RHOT1: variants seen among roughly 807,000 people sequenced by gnomAD.
The protein encoded by RHOT1 is mitochondrial Rho GTPase 1.
Under a neutral mutation model 95.3 loss-of-function variants are expected in RHOT1, and 27 were observed. That is an observed-to-expected ratio of 0.28 (90% CI 0.21 to 0.39). RHOT1 has a LOEUF of 0.39. Ranked by LOEUF, RHOT1 falls within the 10% of genes least tolerant of loss-of-function variation. The pLI is 1.00. For missense variants in RHOT1, 578 were observed against 786.7 expected, an observed-to-expected ratio of 0.73 and a Z score of 3.17; for synonymous variants, 227 against 263.5, an observed-to-expected ratio of 0.86 and a Z score of 1.34.
At chr17:32,153,047 C>T (rs937277031) in intron 1 of RHOT1, among the ~76,000 whole-genome samples, 9 of 152,208 alleles carry the variant, frequency 5.9e-5, no homozygotes, top group Non-Finnish European at 1.5e-5. Context: ...AGTGATGTGC[C>T]TGCCTCAGCC....
At chr17:32,145,846 C>G (rs548067513) in intron 1 of RHOT1, among the ~76,000 whole-genome samples, 83 of 152,146 alleles carry the variant, frequency 5.5e-4, no homozygotes, top group African/African-American at 1.6e-3. Context: ...GAACCCTCAT[C>G]TCTACAAAAA....
Position 32,170,013 on chromosome 17 carries a change from C to CA in RHOT1, c.38-1019dup, listed in dbSNP as rs796665468. On this transcript the variant is annotated intron_variant, in intron 1 of 19. Transcript: ENST00000545287. ...GGGCAATCAGAGTGGGACCCTGAAT[C>CA]AAAAAAAAAAAGTTAAAACTTGGAA... Among the ~76,000 whole-genome samples the CA allele has an allele frequency of 6.5e-3, 930 of 142,110 alleles. 3 individuals are homozygous for CA. Among genetic ancestry groups the CA allele is most frequent in the African/African-American group, 0.017 (667 of 38,858 alleles). 93.2% of individuals were successfully genotyped at this position (142,110 alleles called of 152,430 possible).
chr17:32,173,237 C>T (rs2142538313), intron 2 of RHOT1, among the ~76,000 whole-genome samples: 1 of 152,290 alleles, frequency 6.6e-6, no homozygotes, highest in East Asian at 1.9e-4. Flanking sequence ...ACAAGTTGAG[C>T]ATCCTTTATC....
At chr17:32,144,820 CA>C (rs36027822) in intron 1 of RHOT1, among the ~76,000 whole-genome samples, 40,628 of 140,498 alleles carry the variant, frequency 0.29, 7,096 homozygotes, top group African/African-American at 0.52. Flanking sequence ...GACCCCGCCT[CA>C]AAAAAAAAAA....
At position 32,177,322 on chromosome 17, in the gene RHOT1, A is replaced by G. The variant is rs538893122; in HGVS notation, c.329+1109A>G. Among the ~76,000 whole-genome samples the G allele has an allele frequency of 3.3e-5, 5 of 152,336 alleles. No homozygotes were observed. In the East Asian group the frequency reaches 5.8e-4, roughly 18 times the overall value. On this transcript the variant is annotated intron_variant, in intron 6 of 19. Transcript: ENST00000545287. ...ATGTGACTAATGCTTACAGTAATGG[A>G]GAGTAGAGATAAAGAGCATTTCCAT... is the stretch of plus-strand genomic sequence containing the variant.
At chr17:32,163,848 T>A (rs934214688) in intron 1 of RHOT1, among the ~76,000 whole-genome samples, 2 of 151,886 alleles carry the variant, frequency 1.3e-5, no homozygotes, top group Non-Finnish European at 2.9e-5. Flanking sequence ...ATCAGTGGTA[T>A]CCCCAGGATG....
chr17:32,219,303 A>G (rs1183333148), intron 19 of RHOT1, among the ~76,000 whole-genome samples: 1 of 152,024 alleles, frequency 6.6e-6, no homozygotes, highest in Non-Finnish European at 1.5e-5. Context: ...CTGGGTAACA[A>G]TTTCTGAATT....
intron 1 of RHOT1, among the ~76,000 whole-genome samples, chr17:32,154,942 G>GACGGAGTGGTAATTAGCTGAGTA (rs2032786925): frequency 2.6e-5 from 4 of 151,664 alleles, no homozygotes; most frequent in Admixed American, 6.6e-5. Context: ...TTAGCTGAGT[G>GACGGAGTGGTAATTAGCTGAGTA]ACGGAGTGGT....
chr17:32,196,404 C>G (rs532662929), intron 11 of RHOT1, among the ~76,000 whole-genome samples: 5 of 152,078 alleles, frequency 3.3e-5, no homozygotes, highest in African/African-American at 9.7e-5. Context: ...GTTGCCCAGG[C>G]TGGTTTCTGT....
rs548937117 is a variant in RHOT1, at chr17:32,158,428, GT to G, written c.38-12609del. 1.6e-3 allele frequency among the ~76,000 whole-genome samples: 249 copies of G among 152,132 alleles called. 1 individual carries two copies. The highest frequency in any genetic ancestry group is 5.6e-3 in the African/African-American group (234 of 41,500). On this transcript the variant is annotated intron_variant, in intron 1 of 19. Transcript: ENST00000545287. ...AGTGTTTCTCAGTTTTTGTTTGTTT[GT>G]TTTTTGTTTTTTTGAGACAGAGTCT...
At chr17:32,158,060 T>G (rs975173283) in intron 1 of RHOT1, among the ~76,000 whole-genome samples, 11 of 152,178 alleles carry the variant, frequency 7.2e-5, no homozygotes, top group African/African-American at 2.7e-4. Context: ...CTCGCCACAT[T>G]GCCCAGGCTG....
chr17:32,175,818 C>G, intron 4 of RHOT1, 144 bp from the exon 5 acceptor site: 1 of 533,340 alleles, frequency 1.9e-6, no homozygotes. Flanking sequence ...CTCTTAGAGG[C>G]AAGCTAATTC....
intron 9 of RHOT1, 149 bp downstream of exon 9, chr17:32,192,448 A>G (rs777983288): frequency 4.9e-6 from 3 of 612,796 alleles, no homozygotes; most frequent in African/African-American, 3.8e-5. Flanking sequence ...ACATCAACCT[A>G]TATATGCCTA....
At chr17:32,174,244 A>G (rs1424940801) in intron 3 of RHOT1, among the ~76,000 whole-genome samples, 1 of 152,248 alleles carries the variant, frequency 6.6e-6, no homozygotes, top group African/African-American at 2.4e-5. Context: ...TGAAAAAAGG[A>G]TGTAAAATAT....
chr17:32,156,152 G>T (rs2142407112), intron 1 of RHOT1, among the ~76,000 whole-genome samples: 1 of 152,354 alleles, frequency 6.6e-6, no homozygotes, highest in South Asian at 2.1e-4. Context: ...CTTTGTTCTT[G>T]TAGCTAGATG....
rs71362807 is a variant in RHOT1, at chr17:32,189,736, C to CTTT, written c.541-2449_541-2447dup. Among the ~76,000 whole-genome samples the CTTT allele has an allele frequency of 1.6e-3, 201 of 124,368 alleles. 3 individuals carry two copies. Among genetic ancestry groups the CTTT allele is most frequent in the African/African-American group, 5.7e-3 (181 of 31,750 alleles). The allele number at this position is 124,368 out of a possible 152,430, so 81.6% of individuals were successfully genotyped here. A position where few individuals can be genotyped will look rare whatever the true frequency, so the allele number is the denominator to read the frequency against. On this transcript the variant is annotated intron_variant, in intron 8 of 19. Coordinates refer to ENST00000545287, the MANE Select transcript of RHOT1 (RefSeq NM_001033566.3). The stretch of plus-strand genomic sequence containing the variant: ...ACAACAATATCTTTTCTTTTCTTTT[C>CTTT]TTTTTTTTTTTTTTTTTTGAGATGG...
At chr17:32,186,588 A>G (rs1204738462) in intron 8 of RHOT1, among the ~76,000 whole-genome samples, 2 of 151,704 alleles carry the variant, frequency 1.3e-5, no homozygotes, top group Non-Finnish European at 2.9e-5. Flanking sequence ...GATGGTCTTG[A>G]TCTCCTGACC....
At chr17:32,203,846 A>C (rs777366400) in intron 15 of RHOT1, 44 bp from the exon 16 acceptor site, 9 of 1,395,450 alleles carry the variant, frequency 6.4e-6, no homozygotes, top group Middle Eastern at 1.8e-4. Context: ...ATATTGTTGA[A>C]AACTAGTTAC....
rs1182341400 is a variant in RHOT1, at chr17:32,173,685, C to T, written c.97-146C>T. ...CAGAGATCGCACCACTGCACTCTAG[C>T]CTGGACCATAGAGTGAGACTCCATT... On this transcript the variant is annotated intron_variant, in intron 2 of 19. Transcript: ENST00000545287. The T allele has an allele frequency of 9.6e-6, 6 of 624,584 alleles. No individual in the cohort carries two copies. The South Asian group carries it at 1.0e-4, about 11-fold the overall frequency. The allele number at this position is 624,584 out of a possible 1,614,324, so 38.7% of individuals were successfully genotyped here. A position where few individuals can be genotyped will look rare whatever the true frequency, so the allele number is the denominator to read the frequency against.
Sources: allele counts gnomAD v4.1 joint callset (sites outside exome capture counted in the v4.1 genomes callset), GRCh38; gene constraint gnomAD v4.1.1; transcripts MANE v1.5; gene names NCBI Gene and HGNC (gene_info 2026-07-23, HGNC 2026-07-21).